CDK14: variants seen among roughly 807,000 people sequenced by gnomAD.
CDK14 encodes cyclin dependent kinase 14.
CDK14 carries 34 observed loss-of-function variants against 60.7 expected under a neutral mutation model. That is an observed-to-expected ratio of 0.56 (90% CI 0.43 to 0.75). The LOEUF is 0.75. CDK14 is among the 30% of genes least tolerant of loss of function. CDK14 has a pLI of 0.00. For missense variants in CDK14, 482 were observed against 564.1 expected, an observed-to-expected ratio of 0.85 and a Z score of 1.47; for synonymous variants, 197 against 203.7, an observed-to-expected ratio of 0.97 and a Z score of 0.28.
At chr7:90,604,761 A>G (rs1799382620) in intron 2 of CDK14, among the ~76,000 whole-genome samples, 1 of 152,222 alleles carries the variant, frequency 6.6e-6, no homozygotes, top group Non-Finnish European at 1.5e-5. Context: ...AAAGTAGTGT[A>G]AAATACTGTT....
intron 14 of CDK14, among the ~76,000 whole-genome samples, chr7:91,151,363 A>G (rs1290485640): frequency 6.6e-6 from 1 of 152,202 alleles, no homozygotes; most frequent in Non-Finnish European, 1.5e-5. Flanking sequence ...GCTTGTTGCT[A>G]TTCAAATCCA....
At chr7:90,609,266 C>T (rs976404180) in intron 2 of CDK14, among the ~76,000 whole-genome samples, 4 of 152,042 alleles carry the variant, frequency 2.6e-5, no homozygotes, top group African/African-American at 9.7e-5. Context: ...CTCAGGTGAT[C>T]CTCCCATCTC....
chr7:90,961,798 C>T (rs989989888), intron 9 of CDK14, among the ~76,000 whole-genome samples: 11 of 152,182 alleles, frequency 7.2e-5, no homozygotes, highest in African/African-American at 1.4e-4. Flanking sequence ...ACTCTCACTA[C>T]GGAAGTCCCT....
intron 2 of CDK14, among the ~76,000 whole-genome samples, chr7:90,629,913 T>C (rs1799955975): frequency 6.6e-6 from 1 of 151,818 alleles, no homozygotes; most frequent in African/African-American, 2.4e-5. Context: ...TGTAATCACA[T>C]CTGCTTGGGA....
intron 14 of CDK14, among the ~76,000 whole-genome samples, chr7:91,168,492 T>C (rs966840165): frequency 1.3e-5 from 2 of 152,222 alleles, no homozygotes; most frequent in African/African-American, 4.8e-5. Context: ...GTTTAAAGTT[T>C]CACCTTACTT....
chr7:91,079,385 A>G lies in CDK14; in HGVS notation c.1106-47A>G, dbSNP rs573708597. On this transcript the variant is annotated intron_variant, in intron 11 of 14. Coordinates refer to ENST00000380050, the MANE Select transcript of CDK14 (RefSeq NM_001287135.2). ...AGTTTTTTCAACATACTTGTAATATATACATTTGATACAAAGATTGTTTAT... is the reference window on the plus strand; with the variant it reads ...AGTTTTTTCAACATACTTGTAATATGTACATTTGATACAAAGATTGTTTAT... 2.4e-5 allele frequency: 31 copies of G among 1,278,878 alleles called. 1 individual carries two copies. In the South Asian group the frequency reaches 3.8e-4, roughly 16 times the overall value. 79.2% of individuals were successfully genotyped at this position (1,278,878 alleles called of 1,614,324 possible).
rs573434001 is a variant in CDK14, at chr7:90,731,763, A to G, written c.369+4951A>G. Among the ~76,000 whole-genome samples the G allele has an allele frequency of 1.4e-3, 206 of 152,310 alleles. 3 individuals are homozygous for G. The highest frequency in any genetic ancestry group is 1.5e-3 in the Non-Finnish European group (105 of 68,018). On this transcript the variant is annotated intron_variant, in intron 3 of 14. Coordinates refer to ENST00000380050, the MANE Select transcript of CDK14 (RefSeq NM_001287135.2). The stretch of plus-strand genomic sequence containing the variant: ...GGGCTGAGATGATGGGGTTTTCTAA[A>G]TATACAATCATGTCTCTGCAAACAG...
chr7:90,608,409 A>G (rs1287028477), intron 2 of CDK14: 4 of 186,660 alleles, frequency 2.1e-5, no homozygotes, highest in African/African-American at 9.8e-5. Flanking sequence ...AATTAAGTGT[A>G]TGTGTATGTG....
intron 10 of CDK14, among the ~76,000 whole-genome samples, chr7:91,031,973 C>T (rs1796774264): frequency 6.6e-6 from 1 of 152,148 alleles, no homozygotes; most frequent in Admixed American, 6.5e-5. Context: ...GCCGGCCTTG[C>T]ATACATAAGC....
At chr7:90,961,010 C>T (rs567121996) in intron 9 of CDK14, among the ~76,000 whole-genome samples, 3 of 152,134 alleles carry the variant, frequency 2.0e-5, no homozygotes, top group African/African-American at 7.2e-5. Context: ...GAAAACCAAA[C>T]CCAGAGATAC....
intron 14 of CDK14, among the ~76,000 whole-genome samples, chr7:91,139,758 C>G (rs927266862): frequency 6.8e-6 from 1 of 147,554 alleles, no homozygotes; most frequent in African/African-American, 2.5e-5. Flanking sequence ...CAATTCAGAA[C>G]TTTTCTTTTC....
intron 5 of CDK14, among the ~76,000 whole-genome samples, chr7:90,850,822 A>G (rs1790625148): frequency 6.6e-6 from 1 of 152,104 alleles, no homozygotes; most frequent in African/African-American, 2.4e-5. Flanking sequence ...AGATAAAGGC[A>G]TTTTTCAAAA....
intron 2 of CDK14, among the ~76,000 whole-genome samples, chr7:90,671,581 T>G (rs1169058593): frequency 6.6e-6 from 1 of 152,112 alleles, no homozygotes; most frequent in African/African-American, 2.4e-5. Context: ...TGATGTTTCA[T>G]TTTGATAGCA....
chr7:90,797,894 G>T, intron 5 of CDK14, among the ~76,000 whole-genome samples: 1 of 151,852 alleles, frequency 6.6e-6, no homozygotes, highest in East Asian at 1.9e-4. Context: ...CTCCCACCAG[G>T]CCCCACCTCC....
intron 14 of CDK14, among the ~76,000 whole-genome samples, chr7:91,191,378 A>G (rs922193086): frequency 1.3e-5 from 2 of 152,246 alleles, no homozygotes; most frequent in African/African-American, 2.4e-5. Flanking sequence ...ATTTACAAGG[A>G]AGACATGTCA....
intron 1 of CDK14, chr7:90,597,484 T>C (rs1485078786): frequency 2.6e-5 from 4 of 152,198 alleles, no homozygotes; most frequent in Admixed American, 2.6e-4. Flanking sequence ...GTTTGTTAGA[T>C]TTTGAGTACT....
intron 14 of CDK14, among the ~76,000 whole-genome samples, chr7:91,119,004 A>G (rs1799699117): frequency 6.6e-6 from 1 of 152,144 alleles, no homozygotes; most frequent in Non-Finnish European, 1.5e-5. Flanking sequence ...GGAAATGCCT[A>G]GTATTTTTGG....
intron 9 of CDK14, among the ~76,000 whole-genome samples, chr7:90,978,848 ACAGAT>A (rs1391064705): frequency 7.2e-5 from 11 of 152,232 alleles, no homozygotes; most frequent in African/African-American, 2.7e-4. Context: ...TAGTGAAAAA[ACAGAT>A]CATATTTAAG....
intron 2 of CDK14, among the ~76,000 whole-genome samples, chr7:90,620,817 C>T (rs1254025081): frequency 6.6e-6 from 1 of 152,078 alleles, no homozygotes; most frequent in African/African-American, 2.4e-5. Flanking sequence ...ATGGGAACAC[C>T]AGCAGTCTAA....
Sources: gnomAD v4.1 joint callset for allele counts (sites outside exome capture counted in the v4.1 genomes callset) on GRCh38, gnomAD v4.1.1 for gene constraint, MANE v1.5 for transcripts, NCBI Gene and HGNC (gene_info 2026-07-23, HGNC 2026-07-21) for gene names.